Variants in XYLT1 observed in about 807,000 individuals in gnomAD.
XYLT1 encodes beta-D-xylosyltransferase 1.
XYLT1 carries 36 observed loss-of-function variants against 91.3 expected under a neutral mutation model. That is an observed-to-expected ratio of 0.39 (90% CI 0.30 to 0.52). XYLT1 has a LOEUF of 0.52. Ranked by LOEUF, XYLT1 falls within the 20% of genes least tolerant of loss-of-function variation. XYLT1 has a pLI of 0.68. For synonymous variants in XYLT1, 588 were observed against 532.0 expected (o/e 1.11, Z -1.45); for missense variants, 1,242 against 1,284.5 (o/e 0.97, Z 0.51).
chr16:17,166,941 T>G (rs945801445), intron 5 of XYLT1, among the ~76,000 whole-genome samples: 1 of 152,188 alleles, frequency 6.6e-6, no homozygotes, highest in Admixed American at 6.5e-5. Context: ...AGGGTACTCA[T>G]GAGAAAATGC....
At chr16:17,278,933 G>A (rs779449591) in intron 2 of XYLT1, among the ~76,000 whole-genome samples, 5 of 152,178 alleles carry the variant, frequency 3.3e-5, no homozygotes, top group Non-Finnish European at 7.3e-5. Flanking sequence ...AACCAAGGCT[G>A]ACTGTGAACA....
intron 1 of XYLT1, among the ~76,000 whole-genome samples, chr16:17,469,217 A>G (rs1464510794): frequency 1.3e-5 from 2 of 152,264 alleles, no homozygotes; most frequent in Non-Finnish European, 2.9e-5. Context: ...GTACTAAGGC[A>G]GTCTTCAGTG....
At chr16:17,291,915 G>A (rs911709021) in intron 2 of XYLT1, among the ~76,000 whole-genome samples, 6 of 152,074 alleles carry the variant, frequency 3.9e-5, no homozygotes, top group Non-Finnish European at 7.4e-5. Context: ...GGCCAGGCAC[G>A]GTAGCTGACA....
intron 2 of XYLT1, among the ~76,000 whole-genome samples, chr16:17,287,939 C>CTT (rs34525791): frequency 6.4e-4 from 92 of 144,672 alleles, no homozygotes; most frequent in South Asian, 8.8e-4. Flanking sequence ...CATAATTTTT[C>CTT]TTTTTTTTTT....
chr16:17,168,169 T>C (rs1007983330), intron 5 of XYLT1, among the ~76,000 whole-genome samples: 2 of 152,136 alleles, frequency 1.3e-5, no homozygotes, highest in Non-Finnish European at 2.9e-5. Context: ...CTATTAACAA[T>C]AGTAAAGACA....
At chr16:17,349,407 C>A (rs1443886872) in intron 2 of XYLT1, among the ~76,000 whole-genome samples, 1 of 152,040 alleles carries the variant, frequency 6.6e-6, no homozygotes, top group Admixed American at 6.6e-5. Flanking sequence ...TGTAACATAG[C>A]AGGGAAGGAG....
chr16:17,349,973 A>G (rs1010404442), intron 2 of XYLT1, among the ~76,000 whole-genome samples: 1 of 151,892 alleles, frequency 6.6e-6, no homozygotes, highest in African/African-American at 2.4e-5. Context: ...TCCCGGGTTC[A>G]CGTCATTCTC....
chr16:17,380,848 T>A (rs1478894350), intron 1 of XYLT1, among the ~76,000 whole-genome samples: 4 of 152,214 alleles, frequency 2.6e-5, no homozygotes. Context: ...ACACATTCCG[T>A]GACAGGGACA....
In XYLT1 at chr16:17,379,228, A is replaced by T. The variant is rs1009416971; in HGVS notation, c.364-21178T>A. On this transcript the variant is annotated intron_variant, in intron 1 of 11. Transcript: ENST00000261381. ...TCCGCTCCAAGGAGACACCTCCTAAAATAAACCCTGCTAACTTCAGTTAGC... is the reference window on the plus strand; with the variant it reads ...TCCGCTCCAAGGAGACACCTCCTAATATAAACCCTGCTAACTTCAGTTAGC... Among the ~76,000 whole-genome samples the T allele has an allele frequency of 5.3e-5, 8 of 152,202 alleles. No homozygotes were observed. The South Asian group carries it at 1.0e-3, about 20-fold the overall frequency.
intron 1 of XYLT1, among the ~76,000 whole-genome samples, chr16:17,438,627 T>C (rs2036492493): frequency 6.6e-6 from 1 of 151,988 alleles, no homozygotes; most frequent in South Asian, 2.1e-4. Flanking sequence ...AGAAAAGAGA[T>C]TTAATTGACT....
intron 2 of XYLT1, among the ~76,000 whole-genome samples, chr16:17,329,484 G>A (rs2034864159): frequency 1.3e-5 from 2 of 152,110 alleles, no homozygotes; most frequent in Non-Finnish European, 2.9e-5. Context: ...ATCTATACGG[G>A]TCTTCATCCA....
At chr16:17,381,788 T>C (rs7195703) in intron 1 of XYLT1, among the ~76,000 whole-genome samples, 63,789 of 152,066 alleles carry the variant, frequency 0.42, 14,159 homozygotes, top group African/African-American at 0.5. Context: ...AACATTTTAG[T>C]TCTGACAGTC....
intron 1 of XYLT1, among the ~76,000 whole-genome samples, chr16:17,400,432 A>C (rs557173649): frequency 1.6e-3 from 244 of 152,264 alleles, no homozygotes; most frequent in African/African-American, 5.8e-3. Flanking sequence ...TCTACTAAAA[A>C]TACAAAAATT....
intron 2 of XYLT1, among the ~76,000 whole-genome samples, chr16:17,292,797 G>T (rs915930537): frequency 2.0e-5 from 3 of 152,206 alleles, no homozygotes; most frequent in African/African-American, 7.2e-5. Context: ...TGCACAAAGT[G>T]GGGCACATGG....
intron 6 of XYLT1, among the ~76,000 whole-genome samples, chr16:17,141,928 G>A (rs2030989266): frequency 6.6e-6 from 1 of 152,148 alleles, no homozygotes; most frequent in African/African-American, 2.4e-5. Flanking sequence ...TTTTGAGACA[G>A]GGTCGTGTTC....
intron 3 of XYLT1, among the ~76,000 whole-genome samples, chr16:17,207,226 T>C (rs898497003): frequency 7.2e-5 from 11 of 151,942 alleles, no homozygotes; most frequent in Non-Finnish European, 1.2e-4. Context: ...CCTGGCTAAA[T>C]TTTTTGTATT....
chr16:17,189,488 T>A (rs955034179), intron 5 of XYLT1, among the ~76,000 whole-genome samples: 87 of 152,248 alleles, frequency 5.7e-4, no homozygotes, highest in African/African-American at 2.0e-3. Flanking sequence ...TTAAACCAGA[T>A]GAGGTCCTCA....
Position 17,214,070 on chromosome 16 carries a change from C to T in XYLT1, c.914-13416G>A, listed in dbSNP as rs558959127. Among the ~76,000 whole-genome samples the T allele has an allele frequency of 2.6e-5, 4 of 152,318 alleles. 1 individual carries two copies. In the South Asian group the frequency reaches 8.3e-4, roughly 32 times the overall value. ...CCCATGATTACAGGGCATTTGAAATCCCTAGTCCCCATAACAGCCTCTCCT... is the reference window on the plus strand; with the variant it reads ...CCCATGATTACAGGGCATTTGAAATTCCTAGTCCCCATAACAGCCTCTCCT... On this transcript the variant is annotated intron_variant, in intron 3 of 11. Transcript: ENST00000261381.
chr16:17,196,766 G>A lies in XYLT1; in HGVS notation c.1289+1446C>T, dbSNP rs1444214830. Among the ~76,000 whole-genome samples the A allele has an allele frequency of 2.6e-5, 4 of 151,904 alleles. No homozygotes were observed. The East Asian group carries it at 7.7e-4, about 29-fold the overall frequency. On this transcript the variant is annotated intron_variant, in intron 5 of 11. Transcript: ENST00000261381. ...GAAAACACAGTCAAAGGAAAAAGCT[G>A]CCCTCTCAAGAGAAAATAACAGCCT...
Sources: allele counts gnomAD v4.1 joint callset (sites outside exome capture counted in the v4.1 genomes callset), GRCh38; gene constraint gnomAD v4.1.1; transcripts MANE v1.5; gene names NCBI Gene and HGNC (gene_info 2026-07-23, HGNC 2026-07-21).